The following KLHL32 variants were observed in gnomAD, a reference collection of about 807,000 sequenced individuals.
The protein encoded by KLHL32 is kelch like family member 32, also known as kelch-like protein 32.
KLHL32 carries 35 observed loss-of-function variants against 64.8 expected under a neutral mutation model. The ratio of observed to expected loss-of-function variants is 0.54; its 90% CI spans 0.41 to 0.72. KLHL32 has a LOEUF of 0.72. KLHL32 is among the 30% of genes least tolerant of loss of function. The pLI, the probability that KLHL32 is intolerant of heterozygous loss-of-function variation, is 0.00. For missense variants in KLHL32, 589 were observed against 768.5 expected (o/e 0.77, Z 2.76); for synonymous variants, 259 against 281.0 (o/e 0.92, Z 0.78).
intron 3 of KLHL32, among the ~76,000 whole-genome samples, chr6:97,005,629 A>T (rs1438223244): frequency 1.3e-5 from 2 of 152,068 alleles, no homozygotes; most frequent in Non-Finnish European, 2.9e-5. Context: ...TACTATAAAC[A>T]TTCTTCTTCA....
chr6:97,139,655 T>C lies in KLHL32; in HGVS notation c.*373T>C, dbSNP rs1190760718. 3 of 161,990 alleles carry C rather than the reference T, an allele frequency of 1.9e-5. No individual in the cohort carries two copies. The highest frequency in any genetic ancestry group is 7.2e-5 in the African/African-American group (3 of 41,676). 10.0% of individuals were successfully genotyped at this position (161,990 alleles called of 1,614,324 possible). A position where few individuals can be genotyped will look rare whatever the true frequency, so the allele number is the denominator to read the frequency against. On this transcript the variant is annotated 3_prime_UTR_variant, in exon 11 of 11. Transcript: ENST00000369261. ...TGGCATCGATGATCTTAAAAATATA[T>C]ATATTCTGTACTTAATCCCTTTATT...
At chr6:97,022,362 C>A (rs1782113267) in intron 3 of KLHL32, among the ~76,000 whole-genome samples, 1 of 150,818 alleles carries the variant, frequency 6.6e-6, no homozygotes, top group Non-Finnish European at 1.5e-5. Context: ...TGGATTACTC[C>A]TCTAGATAGC....
At chr6:97,070,102 G>A (rs1790470188) in intron 5 of KLHL32, among the ~76,000 whole-genome samples, 1 of 152,006 alleles carries the variant, frequency 6.6e-6, no homozygotes, top group South Asian at 2.1e-4. Flanking sequence ...GAAGACAAAT[G>A]ATTGTACCAA....
intron 3 of KLHL32, among the ~76,000 whole-genome samples, chr6:97,005,817 T>C (rs1177466429): frequency 6.6e-6 from 1 of 152,184 alleles, no homozygotes; most frequent in East Asian, 1.9e-4. Flanking sequence ...TTAATGTCTT[T>C]TCTATCAGAC....
chr6:96,988,397 C>T (rs1323549828), intron 3 of KLHL32, among the ~76,000 whole-genome samples: 1 of 152,100 alleles, frequency 6.6e-6, no homozygotes, highest in Non-Finnish European at 1.5e-5. Context: ...ATCAAAACCA[C>T]AGTGAGATAC....
chr6:96,906,791 T>G, the KLHL32 span, among the ~76,000 whole-genome samples: 1 of 152,214 alleles, frequency 6.6e-6, no homozygotes, highest in African/African-American at 2.4e-5. Flanking sequence ...CTTGGTGTAG[T>G]TAATCCTTTT....
At chr6:97,102,420 A>G (rs73758111) in intron 6 of KLHL32, among the ~76,000 whole-genome samples, 2,589 of 151,426 alleles carry the variant, frequency 0.017, 77 homozygotes, top group African/African-American at 0.06. Context: ...GTTTTCTCTC[A>G]TTTTCCAGTG....
At chr6:96,918,768 T>C in the KLHL32 span, among the ~76,000 whole-genome samples, 2 of 152,252 alleles carry the variant, frequency 1.3e-5, no homozygotes, top group Non-Finnish European at 2.9e-5. Flanking sequence ...AAAACTTGCA[T>C]TAATTTGTTT....
intron 3 of KLHL32, among the ~76,000 whole-genome samples, chr6:97,033,821 T>G (rs1366581550): frequency 2.0e-5 from 3 of 152,102 alleles, no homozygotes; most frequent in Admixed American, 2.0e-4. Context: ...TTTGTATGCC[T>G]TCTTTGGAAA....
At chr6:97,018,501 G>C (rs1248046336) in intron 3 of KLHL32, among the ~76,000 whole-genome samples, 6 of 151,290 alleles carry the variant, frequency 4.0e-5, no homozygotes. Context: ...GCTGAGGCAG[G>C]AGAATAGGAG....
intron 3 of KLHL32, among the ~76,000 whole-genome samples, chr6:97,038,239 C>T (rs1466543120): frequency 6.6e-6 from 1 of 151,770 alleles, no homozygotes; most frequent in Non-Finnish European, 1.5e-5. Context: ...AGAGCAAACC[C>T]ACAGAATGGG....
chr6:97,047,003 T>C (rs1319897404), intron 4 of KLHL32, among the ~76,000 whole-genome samples: 1 of 152,162 alleles, frequency 6.6e-6, no homozygotes, highest in East Asian at 1.9e-4. Flanking sequence ...TGTCTGAAAA[T>C]TGTTGCTGTC....
chr6:97,069,877 T>C (rs1043541889), intron 5 of KLHL32, among the ~76,000 whole-genome samples: 2 of 152,114 alleles, frequency 1.3e-5, no homozygotes, highest in Non-Finnish European at 2.9e-5. Flanking sequence ...TAATAGATTA[T>C]CATTTTTAAT....
At chr6:97,040,611 G>A (rs1418835790) in intron 3 of KLHL32, among the ~76,000 whole-genome samples, 1 of 152,082 alleles carries the variant, frequency 6.6e-6, no homozygotes, top group African/African-American at 2.4e-5. Context: ...TCCTGATGTC[G>A]CTGGTCCAAG....
At chr6:96,990,639 C>G (rs1418834767) in intron 3 of KLHL32, among the ~76,000 whole-genome samples, 2 of 152,034 alleles carry the variant, frequency 1.3e-5, no homozygotes, top group Non-Finnish European at 2.9e-5. Flanking sequence ...TTGGCAGTGG[C>G]TGTAGCAGAG....
chr6:96,929,697 G>A (rs571910730), intron 1 of KLHL32, among the ~76,000 whole-genome samples: 21 of 151,948 alleles, frequency 1.4e-4, no homozygotes, highest in African/African-American at 4.8e-4. Flanking sequence ...TCCCTATTTC[G>A]TATACACATT....
chr6:96,984,501 G>A (rs113653232), intron 3 of KLHL32, among the ~76,000 whole-genome samples: 1,684 of 152,260 alleles, frequency 0.011, 41 homozygotes, highest in African/African-American at 0.039. Context: ...TTATTATTGT[G>A]TGGGAGTCTA....
intron 3 of KLHL32, among the ~76,000 whole-genome samples, chr6:97,025,355 T>C (rs1782575802): frequency 6.6e-6 from 1 of 152,230 alleles, no homozygotes; most frequent in African/African-American, 2.4e-5. Flanking sequence ...AGTATGCTTC[T>C]CACTCAGAGA....
intron 3 of KLHL32, among the ~76,000 whole-genome samples, chr6:97,008,749 A>G (rs1779989149): frequency 1.3e-5 from 2 of 152,258 alleles, no homozygotes; most frequent in South Asian, 4.1e-4. Flanking sequence ...AGCCCTGTGC[A>G]GGGTTCCTAG....
Sources: gnomAD v4.1 joint callset for allele counts (sites outside exome capture counted in the v4.1 genomes callset) on GRCh38, gnomAD v4.1.1 for gene constraint, MANE v1.5 for transcripts, NCBI Gene and HGNC (gene_info 2026-07-23, HGNC 2026-07-21) for gene names.